LARGE1: variants seen among roughly 807,000 people sequenced by gnomAD.
The protein encoded by LARGE1 is xylosyl- and glucuronyltransferase LARGE1.
A neutral mutation model predicts 87.6 loss-of-function variants in LARGE1; 43 were observed. The ratio of observed to expected loss-of-function variants is 0.49; its 90% CI spans 0.38 to 0.63. The LOEUF (loss-of-function observed/expected upper bound fraction) is 0.63. LARGE1 is among the 30% of genes least tolerant of loss of function. LARGE1 has a pLI of 0.00. For synonymous variants in LARGE1, 434 were observed against 394.6 expected (o/e 1.10, Z -1.18); for missense variants, 802 against 1,000.2 (o/e 0.80, Z 2.67).
chr22:33,354,549 A>G (rs1311503581), intron 9 of LARGE1, among the ~76,000 whole-genome samples: 1 of 152,206 alleles, frequency 6.6e-6, no homozygotes, highest in East Asian at 1.9e-4. Flanking sequence ...ACATTAAGTG[A>G]GGACTTATTG....
chr22:33,519,229 C>T (rs1020238594), intron 6 of LARGE1, among the ~76,000 whole-genome samples: 1 of 136,672 alleles, frequency 7.3e-6, no homozygotes, highest in Admixed American at 7.7e-5. Flanking sequence ...TGCGTGCGTG[C>T]GCGCGCGTGT....
chr22:33,430,611 G>C (rs1294737546), intron 7 of LARGE1, among the ~76,000 whole-genome samples: 1 of 152,212 alleles, frequency 6.6e-6, no homozygotes, highest in Non-Finnish European at 1.5e-5. Flanking sequence ...CATAGAGCAA[G>C]GCATATCTAA....
intron 7 of LARGE1, among the ~76,000 whole-genome samples, chr22:33,406,823 G>T (rs781009474): frequency 6.6e-6 from 1 of 152,076 alleles, no homozygotes; most frequent in East Asian, 1.9e-4. Flanking sequence ...AAGGAGTTTC[G>T]CCTTTGTCAC....
chr22:33,597,363 C>G lies in LARGE1; in HGVS notation c.615+7072G>C, dbSNP rs148995190. On this transcript the variant is annotated intron_variant, in intron 5 of 14. Transcript: ENST00000397394. ...TGATTTCATGCTCTCTTCAGTCTCT[C>G]CCAGAAGAAAATGTCCAGTATTCAG... Among the ~76,000 whole-genome samples the G allele has an allele frequency of 6.0e-3, 909 of 152,090 alleles. 5 individuals are homozygous for G. Among genetic ancestry groups the G allele is most frequent in the Non-Finnish European group, 9.8e-3 (668 of 68,004 alleles).
intron 6 of LARGE1, among the ~76,000 whole-genome samples, chr22:33,542,866 G>T (rs2077251519): frequency 6.6e-6 from 1 of 152,098 alleles, no homozygotes; most frequent in Non-Finnish European, 1.5e-5. Context: ...CTCGCCTACA[G>T]CTAGTAAAGA....
intron 11 of LARGE1, among the ~76,000 whole-genome samples, chr22:33,306,810 G>A (rs1934979029): frequency 6.7e-6 from 1 of 149,610 alleles, no homozygotes; most frequent in South Asian, 2.1e-4. Flanking sequence ...GGGGGTGGAG[G>A]TTGCAGTGAG....
rs1296828381 is a variant in LARGE1 at position 33,782,898 on chromosome 22, AAG to A, written c.-82-21342_-82-21341del. On this transcript the variant is annotated intron_variant, in intron 1 of 14. Coordinates refer to ENST00000397394, the MANE Select transcript of LARGE1 (RefSeq NM_133642.5). ...AAAATCAAGTTTAAAAAAAAAAAAA[AAG>A]AGAGAGAGAGAGGGAGTGTTCCACT... Among the ~76,000 whole-genome samples, 171 of 148,610 alleles carry A rather than the reference AAG, an allele frequency of 1.2e-3. 14 individuals are homozygous for A. The highest frequency in any genetic ancestry group is 1.5e-3 in the South Asian group (7 of 4,728).
chr22:33,399,560 T>C (rs1366933851), intron 7 of LARGE1, among the ~76,000 whole-genome samples: 2 of 152,212 alleles, frequency 1.3e-5, no homozygotes, highest in African/African-American at 2.4e-5. Context: ...TTCAAGGATC[T>C]AGAACCAGAA....
the LARGE1 span, among the ~76,000 whole-genome samples, chr22:33,089,323 T>C: frequency 0.13 from 4,092 of 31,340 alleles, 80 homozygotes; most frequent in Middle Eastern, 0.23. Context: ...CTTTCTTCTT[T>C]CTTCTTCTTC....
At chr22:33,491,101 C>A (rs749606466) in intron 6 of LARGE1, among the ~76,000 whole-genome samples, 21 of 152,088 alleles carry the variant, frequency 1.4e-4, no homozygotes, top group Non-Finnish European at 2.1e-4. Flanking sequence ...AAAATTAGGA[C>A]AACACAAAGC....
At chr22:33,404,542 A>G (rs2066031266) in intron 7 of LARGE1, among the ~76,000 whole-genome samples, 1 of 152,174 alleles carries the variant, frequency 6.6e-6, no homozygotes, top group African/African-American at 2.4e-5. Flanking sequence ...AAACGAGCCT[A>G]TCTACCCTCT....
chr22:33,298,642 G>A (rs561386483), intron 12 of LARGE1, among the ~76,000 whole-genome samples: 9 of 152,098 alleles, frequency 5.9e-5, no homozygotes, highest in Non-Finnish European at 1.0e-4. Flanking sequence ...GGACAATAGG[G>A]TCTGGGTTAT....
intron 12 of LARGE1, among the ~76,000 whole-genome samples, chr22:33,288,238 G>A (rs1289483376): frequency 1.3e-5 from 2 of 152,186 alleles, no homozygotes; most frequent in Admixed American, 6.5e-5. Flanking sequence ...TACCTTTAAG[G>A]AAAGGAGATT....
At chr22:33,894,148 C>T (rs1473848431) in intron 1 of LARGE1, among the ~76,000 whole-genome samples, 1 of 152,018 alleles carries the variant, frequency 6.6e-6, no homozygotes, top group Non-Finnish European at 1.5e-5. Context: ...GGTCCAGGCC[C>T]TGCCCTTATC....
At chr22:33,547,422 T>C (rs987393791) in intron 6 of LARGE1, among the ~76,000 whole-genome samples, 5 of 152,168 alleles carry the variant, frequency 3.3e-5, no homozygotes, top group African/African-American at 1.2e-4. Context: ...CTGTAATGCT[T>C]GCTCGCCTGG....
chr22:33,076,500 A>G, the LARGE1 span, among the ~76,000 whole-genome samples: 1 of 152,184 alleles, frequency 6.6e-6, no homozygotes, highest in Non-Finnish European at 1.5e-5. Context: ...ATGTGTGTGT[A>G]TCTGTTTTGA....
intron 7 of LARGE1, among the ~76,000 whole-genome samples, chr22:33,400,576 G>C (rs1386095339): frequency 6.6e-6 from 1 of 152,176 alleles, no homozygotes; most frequent in Non-Finnish European, 1.5e-5. Flanking sequence ...CACGGCACAC[G>C]ATGATGTCTC....
intron 3 of LARGE1, among the ~76,000 whole-genome samples, chr22:33,635,685 G>A (rs758078055): frequency 1.3e-5 from 2 of 152,128 alleles, no homozygotes; most frequent in Admixed American, 6.5e-5. Flanking sequence ...ACAAAGTGAC[G>A]GGTTGAATTC....
intron 9 of LARGE1, among the ~76,000 whole-genome samples, chr22:33,377,928 A>C (rs1455999922): frequency 6.6e-6 from 1 of 152,214 alleles, no homozygotes; most frequent in Non-Finnish European, 1.5e-5. Context: ...TTTTTTGAGA[A>C]TCTACTATTC....
Sources: allele counts gnomAD v4.1 joint callset (sites outside exome capture counted in the v4.1 genomes callset), GRCh38; gene constraint gnomAD v4.1.1; transcripts MANE v1.5; gene names NCBI Gene and HGNC (gene_info 2026-07-23, HGNC 2026-07-21).